The following DPM2 variants were observed in gnomAD, a reference collection of about 807,000 sequenced individuals.
DPM2 encodes dolichyl-phosphate mannosyltransferase subunit 2, regulatory.
Under a neutral mutation model 12.1 loss-of-function variants are expected in DPM2, and 8 were observed. That is an observed-to-expected ratio of 0.66 (90% CI 0.39 to 1.19). The LOEUF (loss-of-function observed/expected upper bound fraction) is 1.19. Among genes scored for constraint, DPM2 ranks in the 50% most tolerant of loss-of-function variants. The pLI, the probability that DPM2 is intolerant of heterozygous loss-of-function variation, is 0.01. For synonymous variants in DPM2, 38 were observed against 44.7 expected, an observed-to-expected ratio of 0.85 and a Z score of 0.60; for missense variants, 93 against 102.5, an observed-to-expected ratio of 0.91 and a Z score of 0.40.
intron 2 of DPM2, chr9:127,937,093 C>T (rs1831518928): frequency 3.5e-6 from 1 of 282,384 alleles, no homozygotes; most frequent in Non-Finnish European, 6.5e-6. Flanking sequence ...AAAAAATATC[C>T]TAAAGGCCTT....
At chr9:127,935,898 C>T in intron 3 of DPM2, 118 bp from the exon 4 acceptor site, 1 of 912,660 alleles carries the variant, frequency 1.1e-6, no homozygotes, top group Non-Finnish European at 1.7e-6. Context: ...CAACCATCCT[C>T]CAGGGAACCT....
At chr9:127,935,836 G>T (rs1369476664) in intron 3 of DPM2, 56 bp from the exon 4 acceptor site, 2 of 1,576,272 alleles carry the variant, frequency 1.3e-6, no homozygotes, top group Admixed American at 3.4e-5. Flanking sequence ...GCTGCTGGGA[G>T]GCCAGGGCAT....
At chr9:127,936,316 A>C in intron 3 of DPM2, 1 of 1,471,878 alleles carries the variant, frequency 6.8e-7, no homozygotes, top group East Asian at 2.5e-5. Context: ...AGGTGTGAGC[A>C]GAGTGATGAT....
intron 3 of DPM2, chr9:127,936,255 T>G: frequency 1.4e-6 from 2 of 1,415,872 alleles, no homozygotes; most frequent in Non-Finnish European, 1.9e-6. Context: ...TAGGAAGCCA[T>G]GAGAGAGAGA....
intron 3 of DPM2, 50 bp from the exon 4 acceptor site, chr9:127,935,830 C>T: frequency 6.3e-7 from 1 of 1,592,138 alleles, no homozygotes; most frequent in Non-Finnish European, 8.6e-7. Flanking sequence ...CTCAGGGCTG[C>T]TGGGAGGCCA....
intron 2 of DPM2, 31 bp from the exon 3 acceptor site, chr9:127,936,686 T>C (rs753871649): frequency 6.2e-6 from 9 of 1,449,338 alleles, no homozygotes; most frequent in African/African-American, 5.8e-5. Context: ...CTGGTGTGTC[T>C]TGCTTGCCTT....
rs1006993034 is a variant in DPM2 at position 127,937,731 on chromosome 9, T to C, written c.3+87A>G. On this transcript the variant is annotated intron_variant, in intron 1 of 3. Coordinates refer to ENST00000314392, the MANE Select transcript of DPM2 (RefSeq NM_003863.4). ...AGTGGGGGCGGGAGAGCAATCCCCG[T>C]TCCAAGTGCCCATGCCCCAGCTCCT... 5.2e-6 allele frequency: 8 copies of C among 1,548,642 alleles called. No homozygotes were observed. In the Admixed American group the frequency reaches 1.2e-4, roughly 23 times the overall value.
At chr9:127,936,838 A>G (rs921085823) in intron 2 of DPM2, 183 bp from the exon 3 acceptor site, 1 of 525,018 alleles carries the variant, frequency 1.9e-6, no homozygotes, top group Non-Finnish European at 3.0e-6. Context: ...TCTTATTGGT[A>G]TTTACCGGGC....
chr9:127,937,042 C>T (rs1019739334), intron 2 of DPM2: 2 of 277,720 alleles, frequency 7.2e-6, no homozygotes, highest in Non-Finnish European at 1.3e-5. Flanking sequence ...TCCAGACACA[C>T]TGCACTTCTT....
chr9:127,935,936 C>A lies in DPM2; in HGVS notation c.197-156G>T, dbSNP rs1831497903. 1.0e-5 allele frequency: 7 copies of A among 674,822 alleles called. No individual in the cohort carries two copies. In the Admixed American group the frequency reaches 1.8e-4, roughly 17 times the overall value. The allele number at this position is 674,822 out of a possible 1,614,324, so 41.8% of individuals were successfully genotyped here. On this transcript the variant is annotated intron_variant, in intron 3 of 3. Coordinates refer to ENST00000314392, the MANE Select transcript of DPM2 (RefSeq NM_003863.4). ...TTATCTCCCTAGTCATTCGTCAAGGCATATGTCTACTCACATTCACTCAAC... is the reference window on the plus strand; with the variant it reads ...TTATCTCCCTAGTCATTCGTCAAGGAATATGTCTACTCACATTCACTCAAC...
In DPM2 at chr9:127,935,672, G is replaced by A; in HGVS notation, c.*50C>T. The A allele has an allele frequency of 6.3e-7, 1 of 1,599,986 alleles. No homozygotes were observed. Among genetic ancestry groups the A allele is most frequent in the East Asian group, 2.2e-5 (1 of 44,800 alleles). On this transcript the variant is annotated 3_prime_UTR_variant, in exon 4 of 4. Transcript: ENST00000314392. ...GCAGGCTCCCCCACTTGGTCCCTGT[G>A]CTGGAGGGGAAGCAGAGAAGGGGCT...
chr9:127,936,450 C>T (rs1031679888), intron 3 of DPM2, 103 bp downstream of exon 3: 15 of 1,609,472 alleles, frequency 9.3e-6, no homozygotes, highest in African/African-American at 6.7e-5. Context: ...CGGGTGAGTT[C>T]GGGGCAAGCA....
chr9:127,936,087 C>T (rs1381445008), intron 3 of DPM2: 1 of 585,436 alleles, frequency 1.7e-6, no homozygotes, highest in Non-Finnish European at 3.0e-6. Context: ...TACATACCTA[C>T]CCACCTCCTC....
Position 127,935,643 on chromosome 9 carries a change from T to G in DPM2, c.*79A>C, listed in dbSNP as rs1588689074. ...TGAGGAGCCACTGTGCCTGGACAGG[T>G]TCTGCAGGCTCCCCCACTTGGTCCC... is the stretch of plus-strand genomic sequence containing the variant. On this transcript the variant is annotated 3_prime_UTR_variant, in exon 4 of 4. Coordinates refer to ENST00000314392, the MANE Select transcript of DPM2 (RefSeq NM_003863.4). The G allele has an allele frequency of 1.3e-6, 2 of 1,484,214 alleles. No homozygotes were observed. Among genetic ancestry groups the G allele is most frequent in the South Asian group, 1.2e-5 (1 of 86,372 alleles). 91.9% of individuals were successfully genotyped at this position (1,484,214 alleles called of 1,614,324 possible).
At position 127,935,459 on chromosome 9, in the gene DPM2, G is replaced by A; in HGVS notation, c.*263C>T. The A allele has an allele frequency of 1.8e-6, 1 of 549,656 alleles. No homozygotes were observed. The highest frequency in any genetic ancestry group is 2.2e-5 in the South Asian group (1 of 46,270). The allele number at this position is 549,656 out of a possible 1,614,324, so 34.0% of individuals were successfully genotyped here. On this transcript the variant is annotated 3_prime_UTR_variant, in exon 4 of 4. Coordinates refer to ENST00000314392, the MANE Select transcript of DPM2 (RefSeq NM_003863.4). ...TGGCAGGGAGTCTGAGAGTGAGGTT[G>A]GGAGGACCAGCATCTTTTAGGCCCT...
intron 2 of DPM2, 43 bp from the exon 3 acceptor site, chr9:127,936,698 C>A (rs1429492195): frequency 7.0e-7 from 1 of 1,433,898 alleles, no homozygotes; most frequent in Non-Finnish European, 9.1e-7. Flanking sequence ...GCTTGCCTTG[C>A]CGAGCCCCCA....
chr9:127,937,650 G>A, intron 1 of DPM2, 127 bp from the exon 2 acceptor site: 1 of 1,205,636 alleles, frequency 8.3e-7, no homozygotes, highest in Non-Finnish European at 1.2e-6. Flanking sequence ...GCTGACTAGG[G>A]ATCAGTTTCT....
intron 2 of DPM2, 187 bp downstream of exon 2, chr9:127,937,247 C>T: frequency 1.9e-6 from 1 of 523,364 alleles, no homozygotes; most frequent in South Asian, 3.0e-5. Context: ...GATCCTTCTC[C>T]CCTAGCCTCA....
Position 127,935,236 on chromosome 9 carries a change from T to G in DPM2, c.*486A>C, listed in dbSNP as rs1588688883. On this transcript the variant is annotated 3_prime_UTR_variant, in exon 4 of 4. Transcript: ENST00000314392. The stretch of plus-strand genomic sequence containing the variant: ...CTGAGCCCCAGGGCTGGTCCTGGGG[T>G]CTGTCAGTCCTTCCCCAGGCTTTCC... 5.0e-6 allele frequency: 1 copy of G among 198,900 alleles called. No individual in the cohort carries two copies. The highest frequency in any genetic ancestry group is 1.0e-5 in the Non-Finnish European group (1 of 97,000). The allele number at this position is 198,900 out of a possible 1,614,324, so 12.3% of individuals were successfully genotyped here. A position where few individuals can be genotyped will look rare whatever the true frequency, so the allele number is the denominator to read the frequency against.
Sources: gnomAD v4.1 joint callset for allele counts on GRCh38, gnomAD v4.1.1 for gene constraint, MANE v1.5 for transcripts, NCBI Gene and HGNC (gene_info 2026-07-23, HGNC 2026-07-21) for gene names.